Variants in SIPA1L1 observed in about 807,000 individuals in gnomAD.
The protein encoded by SIPA1L1 is signal-induced proliferation-associated 1-like protein 1.
SIPA1L1 carries 26 observed loss-of-function variants against 162.7 expected under a neutral mutation model. The ratio of observed to expected loss-of-function variants is 0.16; its 90% confidence interval spans 0.12 to 0.22. The LOEUF is 0.22. Ranked by LOEUF, SIPA1L1 falls within the 10% of genes least tolerant of loss-of-function variation. The pLI, the probability that SIPA1L1 is intolerant of heterozygous loss-of-function variation, is 1.00. For synonymous variants in SIPA1L1, 829 were observed against 837.4 expected (o/e 0.99, Z 0.17); for missense variants, 1,874 against 2,241.0 (o/e 0.84, Z 3.31).
chr14:71,684,132 C>T (rs1003402288), intron 12 of SIPA1L1, among the ~76,000 whole-genome samples: 3 of 152,174 alleles, frequency 2.0e-5, no homozygotes, highest in Admixed American at 1.3e-4. Flanking sequence ...TCCTTGGAGA[C>T]GTGGGCTATG....
At chr14:71,656,660 T>G (rs2043084759) in intron 8 of SIPA1L1, among the ~76,000 whole-genome samples, 3 of 152,250 alleles carry the variant, frequency 2.0e-5, no homozygotes, top group Admixed American at 2.0e-4. Flanking sequence ...TTGTTCTATT[T>G]TTGACTATTT....
At chr14:71,342,231 T>G (rs568110472) in intron 2 of SIPA1L1, among the ~76,000 whole-genome samples, 2 of 152,308 alleles carry the variant, frequency 1.3e-5, no homozygotes, top group South Asian at 4.1e-4. Context: ...CTCAAATTCC[T>G]GGATTCAAAT....
At chr14:71,453,349 G>C (rs566323263) in intron 2 of SIPA1L1, among the ~76,000 whole-genome samples, 1 of 152,074 alleles carries the variant, frequency 6.6e-6, no homozygotes, top group Non-Finnish European at 1.5e-5. Flanking sequence ...CTGCAGCCTT[G>C]ACCTCCCGGG....
intron 2 of SIPA1L1, among the ~76,000 whole-genome samples, chr14:71,482,823 TG>T (rs1454449875): frequency 6.6e-6 from 1 of 152,204 alleles, no homozygotes; most frequent in African/African-American, 2.4e-5. Context: ...TTTATACTTC[TG>T]GAAGAGAATA....
rs572212674 is a variant in SIPA1L1, at chr14:71,502,060, C to T, written c.-464-10683C>T. Among the ~76,000 whole-genome samples the T allele has an allele frequency of 3.2e-4, 46 of 144,642 alleles. 1 individual carries two copies. The highest frequency in any genetic ancestry group is 1.1e-3 in the African/African-American group (42 of 39,318). The allele number at this position is 144,642 out of a possible 152,430, so 94.9% of individuals were successfully genotyped here. On this transcript the variant is annotated intron_variant, in intron 2 of 23. Transcript: ENST00000381232. Reference sequence around the variant, plus strand: ...TTCCAAAAAAAAAAAAAAAAATCTTCATTGAACATAGCTTTTTTTTTTTTT... The same window carrying T: ...TTCCAAAAAAAAAAAAAAAAATCTTTATTGAACATAGCTTTTTTTTTTTTT...
intron 2 of SIPA1L1, among the ~76,000 whole-genome samples, chr14:71,399,911 G>A (rs2139993371): frequency 6.6e-6 from 1 of 152,088 alleles, no homozygotes; most frequent in Non-Finnish European, 1.5e-5. Context: ...AGTAGAGACG[G>A]GGTTTTGCCA....
intron 2 of SIPA1L1, among the ~76,000 whole-genome samples, chr14:71,501,321 A>AAAAT (rs1010114047): frequency 2.8e-4 from 42 of 152,172 alleles, no homozygotes; most frequent in African/African-American, 9.4e-4. Flanking sequence ...CCCTGTCTCA[A>AAAAT]AAATAAATAA....
At chr14:71,637,759 T>C (rs2041308242) in intron 7 of SIPA1L1, among the ~76,000 whole-genome samples, 3 of 151,538 alleles carry the variant, frequency 2.0e-5, no homozygotes, top group Non-Finnish European at 1.5e-5. Flanking sequence ...GATTTTTAGG[T>C]AGAGGGAAAA....
chr14:71,590,047 AT>A (rs2035167703), intron 5 of SIPA1L1, among the ~76,000 whole-genome samples: 83 of 47,034 alleles, frequency 1.8e-3, no homozygotes, highest in Non-Finnish European at 2.8e-3. Flanking sequence ...AAAAAAAAAT[AT>A]ATATATATAT....
At chr14:71,530,316 A>G (rs1020190272) in intron 4 of SIPA1L1, among the ~76,000 whole-genome samples, 1 of 152,176 alleles carries the variant, frequency 6.6e-6, no homozygotes, top group Non-Finnish European at 1.5e-5. Flanking sequence ...TGAGAATAAA[A>G]TATATCACTT....
intron 5 of SIPA1L1, among the ~76,000 whole-genome samples, chr14:71,604,471 A>G (rs1198739025): frequency 7.2e-5 from 11 of 152,006 alleles, no homozygotes; most frequent in Admixed American, 7.2e-4. Flanking sequence ...GAGTGGTAAC[A>G]TTTTTGTGTG....
At chr14:71,677,839 A>G (rs952100389) in intron 12 of SIPA1L1, among the ~76,000 whole-genome samples, 4 of 152,106 alleles carry the variant, frequency 2.6e-5, no homozygotes, top group African/African-American at 9.7e-5. Context: ...CTATACCTCT[A>G]TTTTGGTACC....
chr14:71,465,433 A>G (rs2046921038), intron 2 of SIPA1L1, among the ~76,000 whole-genome samples: 1 of 152,170 alleles, frequency 6.6e-6, no homozygotes, highest in African/African-American at 2.4e-5. Context: ...GGAGCAACCA[A>G]CCAGCTTCAT....
In SIPA1L1 at chr14:71,735,884, A is replaced by C. The variant is rs1597313968; in HGVS notation, c.5123+493A>C. Reference sequence around the variant, plus strand: ...GAAGGTGAAAAGTAGGCAATAACTGAGGTCCTAAGGGCTTCTCAGTCAGGA... The same window carrying C: ...GAAGGTGAAAAGTAGGCAATAACTGCGGTCCTAAGGGCTTCTCAGTCAGGA... On this transcript the variant is annotated intron_variant, in intron 22 of 23. Transcript: ENST00000381232. Among the ~76,000 whole-genome samples the C allele has an allele frequency of 3.3e-5, 5 of 152,354 alleles. No homozygotes were observed. In the South Asian group the frequency reaches 1.0e-3, roughly 32 times the overall value.
chr14:71,341,918 T>C (rs140556522), intron 2 of SIPA1L1, among the ~76,000 whole-genome samples: 13 of 152,320 alleles, frequency 8.5e-5, no homozygotes, highest in Non-Finnish European at 1.5e-4. Context: ...GATGAACACC[T>C]CCTTTGATTC....
At chr14:71,359,530 C>A (rs1021916109) in intron 2 of SIPA1L1, among the ~76,000 whole-genome samples, 7 of 151,990 alleles carry the variant, frequency 4.6e-5, no homozygotes, top group Non-Finnish European at 1.0e-4. Context: ...TTATATATCC[C>A]CAGGATGAAA....
At chr14:71,519,672 T>TA (rs77789357) in intron 3 of SIPA1L1, among the ~76,000 whole-genome samples, 182 of 147,120 alleles carry the variant, frequency 1.2e-3, no homozygotes, top group South Asian at 3.7e-3. Context: ...ACAAATAAAT[T>TA]AAAAAAAAAA....
At chr14:71,615,496 AG>A (rs1262542468) in intron 5 of SIPA1L1, among the ~76,000 whole-genome samples, 1 of 152,250 alleles carries the variant, frequency 6.6e-6, no homozygotes, top group African/African-American at 2.4e-5. Flanking sequence ...AGGATAAATC[AG>A]TGGCAGTCGG....
chr14:71,360,510 CCT>C (rs1414000962), intron 2 of SIPA1L1, among the ~76,000 whole-genome samples: 13 of 152,200 alleles, frequency 8.5e-5, no homozygotes, highest in Admixed American at 6.5e-4. Context: ...AATGTACAAG[CCT>C]CTCTTTGGAG....
Sources: gnomAD v4.1 joint callset for allele counts (sites outside exome capture counted in the v4.1 genomes callset) on GRCh38, gnomAD v4.1.1 for gene constraint, MANE v1.5 for transcripts, NCBI Gene and HGNC (gene_info 2026-07-23, HGNC 2026-07-21) for gene names.